LMBRD2: variants seen among roughly 807,000 people sequenced by gnomAD.
LMBRD2 encodes the protein G protein-coupled receptor-associated protein LMBRD2.
LMBRD2 carries 55 observed loss-of-function variants against 94.4 expected under a neutral mutation model. The ratio of observed to expected loss-of-function variants is 0.58; its 90% CI spans 0.47 to 0.73. LMBRD2 has a LOEUF of 0.73. Ranked by LOEUF, LMBRD2 falls within the 30% of genes least tolerant of loss-of-function variation. The pLI is 0.00. For missense variants in LMBRD2, 640 were observed against 831.9 expected (o/e 0.77, Z 2.84); for synonymous variants, 246 against 272.4 (o/e 0.90, Z 0.95).
At chr5:36,108,740 T>C in intron 15 of LMBRD2, 101 bp from the exon 16 acceptor site, 1 of 465,132 alleles carries the variant, frequency 2.1e-6, no homozygotes, top group Non-Finnish European at 3.7e-6. Context: ...CAGAGATTCA[T>C]TAGTAATCAA....
rs187426566 is a variant in LMBRD2, at chr5:36,105,383, A to G, written c.1898-186T>C. Among the ~76,000 whole-genome samples the G allele has an allele frequency of 2.2e-3, 334 of 152,296 alleles. 1 individual carries two copies. The highest frequency in any genetic ancestry group is 2.7e-3 in the Non-Finnish European group (186 of 67,990). ...TATAAGCAGTATAATAGAATATAGC[A>G]AGGAAAAGTTCTCTAGGCTTGTAGT... On this transcript the variant is annotated intron_variant, in intron 16 of 17. Transcript: ENST00000296603.
chr5:36,114,898 G>A (rs1743702821), intron 12 of LMBRD2, 117 bp downstream of exon 12: 1 of 706,092 alleles, frequency 1.4e-6, no homozygotes, highest in South Asian at 1.8e-5. Context: ...ATCTTTAAGA[G>A]AAAATTTTAC....
intron 13 of LMBRD2, 80 bp from the exon 14 acceptor site, chr5:36,111,338 C>G: frequency 1.1e-6 from 1 of 946,502 alleles, no homozygotes; most frequent in South Asian, 1.4e-5. Context: ...TTAGCATTGT[C>G]ACTCCAAAAG....
chr5:36,108,574 G>A lies in LMBRD2; in HGVS notation c.1857C>T (p.Asp619=), dbSNP rs114173507. Residue 619 remains aspartate (D), a synonymous_variant, in exon 16 of 18, where the codon GAC becomes GAT. Coordinates refer to ENST00000296603, the MANE Select transcript of LMBRD2 (RefSeq NM_001007527.2). ...CATCTGAGAAGTTTGACTCTTTGGG[G>A]TCAGTATGAATATTTCTGTTCCTAG... ...DSTRNRNIHT[D]PKESNFSDVN... 1.2e-4 allele frequency: 197 copies of A among 1,595,034 alleles called. No homozygotes were observed. The highest frequency in any genetic ancestry group is 1.6e-4 in the Non-Finnish European group (191 of 1,167,022).
intron 1 of LMBRD2, chr5:36,148,064 T>C (rs1365052900): frequency 5.2e-6 from 1 of 193,678 alleles, no homozygotes; most frequent in Non-Finnish European, 1.2e-5. Flanking sequence ...AAAATCCTAA[T>C]TATGAAAAAT....
chr5:36,117,111 G>T (rs1333783506), intron 10 of LMBRD2, among the ~76,000 whole-genome samples: 1 of 151,462 alleles, frequency 6.6e-6, no homozygotes, highest in Non-Finnish European at 1.5e-5. Flanking sequence ...CAAAAGTTTC[G>T]AATCTACCTT....
At chr5:36,146,628 T>G (rs977730259) in intron 1 of LMBRD2, among the ~76,000 whole-genome samples, 11 of 152,132 alleles carry the variant, frequency 7.2e-5, no homozygotes, top group Admixed American at 4.6e-4. Flanking sequence ...CCTCTCACCT[T>G]GGCCTCCCAA....
chr5:36,128,011 G>C (rs916213480), intron 6 of LMBRD2, among the ~76,000 whole-genome samples: 1 of 152,146 alleles, frequency 6.6e-6, no homozygotes, highest in East Asian at 1.9e-4. Context: ...TGACCACAGG[G>C]GTGCTTGAGA....
intron 3 of LMBRD2, among the ~76,000 whole-genome samples, chr5:36,141,566 C>A (rs1272120353): frequency 6.7e-6 from 1 of 149,122 alleles, no homozygotes; most frequent in Non-Finnish European, 1.5e-5. Flanking sequence ...TTAAAATACA[C>A]AATCCATTTA....
intron 11 of LMBRD2, among the ~76,000 whole-genome samples, chr5:36,115,530 GCA>G (rs2111858674): frequency 6.6e-6 from 1 of 152,304 alleles, no homozygotes; most frequent in Non-Finnish European, 1.5e-5. Context: ...ATTCTGACAA[GCA>G]CAGATATAAA....
intron 15 of LMBRD2, 24 bp from the exon 16 acceptor site, chr5:36,108,663 A>G: frequency 8.7e-7 from 1 of 1,143,408 alleles, no homozygotes; most frequent in Admixed American, 2.0e-5. Flanking sequence ...ACAAATAATC[A>G]TATAATAGAA....
intron 2 of LMBRD2, chr5:36,142,842 A>T: frequency 2.6e-6 from 1 of 383,152 alleles, no homozygotes; most frequent in Non-Finnish European, 4.7e-6. Context: ...CTCCTGCCTC[A>T]GCCTCCCGAG....
At chr5:36,115,239 G>T in intron 11 of LMBRD2, 119 bp from the exon 12 acceptor site, 1 of 575,578 alleles carries the variant, frequency 1.7e-6, no homozygotes, top group Non-Finnish European at 3.0e-6. Context: ...TCATCTATTT[G>T]CTTTATATAT....
Position 36,101,183 on chromosome 5 carries a change from T to G in LMBRD2, c.*2863A>C, listed in dbSNP as rs1458484804. 1 of 151,998 alleles carries G rather than the reference T, an allele frequency of 6.6e-6. No homozygotes were observed. The highest frequency in any genetic ancestry group is 6.6e-5 in the Admixed American group (1 of 15,236). The allele number at this position is 151,998 out of a possible 1,614,324, so 9.4% of individuals were successfully genotyped here. A position where few individuals can be genotyped will look rare whatever the true frequency, so the allele number is the denominator to read the frequency against. Reference sequence around the variant, plus strand: ...TATTCATTTGGTAAGAGAGCAAATTTTAATAATTAAACTTATTCTTTCTTT... The same window carrying G: ...TATTCATTTGGTAAGAGAGCAAATTGTAATAATTAAACTTATTCTTTCTTT... On this transcript the variant is annotated 3_prime_UTR_variant, in exon 18 of 18. Transcript: ENST00000296603.
In LMBRD2 at chr5:36,124,186, A is replaced by T; in HGVS notation, c.822+5T>A. 1 of 1,493,210 alleles carries T rather than the reference A, an allele frequency of 6.7e-7. No individual in the cohort carries two copies. Among genetic ancestry groups the T allele is most frequent in the Non-Finnish European group, 9.3e-7 (1 of 1,075,790 alleles). 92.5% of individuals were successfully genotyped at this position (1,493,210 alleles called of 1,614,324 possible). ...AAAAGGAAACAGACAAGATGATTTC[A>T]TTACCTTTTTAAGTATTGTATCAAC... On this transcript the variant is annotated splice_donor_5th_base_variant and intron_variant, in intron 7 of 17. Coordinates refer to ENST00000296603, the MANE Select transcript of LMBRD2 (RefSeq NM_001007527.2).
intron 10 of LMBRD2, among the ~76,000 whole-genome samples, chr5:36,117,358 G>A (rs1205101644): frequency 1.3e-5 from 2 of 152,058 alleles, no homozygotes; most frequent in Non-Finnish European, 2.9e-5. Flanking sequence ...CATGGCTGTA[G>A]GCCCAGCTAC....
chr5:36,141,047 G>T, intron 4 of LMBRD2, 60 bp downstream of exon 4: 2 of 890,908 alleles, frequency 2.2e-6, no homozygotes, highest in South Asian at 2.9e-5. Context: ...TATATTGATT[G>T]AAAAACATTT....
At chr5:36,113,127 AC>A (rs1283126891) in intron 13 of LMBRD2, among the ~76,000 whole-genome samples, 1 of 152,164 alleles carries the variant, frequency 6.6e-6, no homozygotes, top group East Asian at 1.9e-4. Flanking sequence ...CAGGCAGATA[AC>A]CCAGCACCGC....
At chr5:36,149,645 G>T (rs932949856) in intron 1 of LMBRD2, among the ~76,000 whole-genome samples, 15 of 152,352 alleles carry the variant, frequency 9.8e-5, no homozygotes, top group African/African-American at 3.6e-4. Context: ...GGAGGCTCAC[G>T]CCTGTAATCT....
Sources: gnomAD v4.1 joint callset for allele counts (sites outside exome capture counted in the v4.1 genomes callset) on GRCh38, gnomAD v4.1.1 for gene constraint, MANE v1.5 for transcripts, NCBI Gene and HGNC (gene_info 2026-07-23, HGNC 2026-07-21) for gene names.